Variants in ERG observed in about 807,000 individuals in gnomAD.
ERG encodes the protein transcriptional regulator ERG.
A neutral mutation model predicts 55.3 loss-of-function variants in ERG; 9 were observed. The ratio of observed to expected loss-of-function variants is 0.16; its 90% CI spans 0.10 to 0.28. The LOEUF (loss-of-function observed/expected upper bound fraction) is 0.28. Ranked by LOEUF, ERG falls within the 10% of genes least tolerant of loss-of-function variation. The probability of loss-of-function intolerance (pLI) is 1.00; values close to 1 mark genes in which losing one functional copy is unlikely to be tolerated. For missense variants in ERG, 434 were observed against 631.6 expected (o/e 0.69, Z 3.35); for synonymous variants, 223 against 237.3 (o/e 0.94, Z 0.55).
intron 1 of ERG, among the ~76,000 whole-genome samples, chr21:38,633,455 A>G (rs1284296831): frequency 6.6e-6 from 1 of 152,214 alleles, no homozygotes; most frequent in African/African-American, 2.4e-5. Flanking sequence ...GGATTATATC[A>G]GTTCATGTGT....
In ERG at chr21:38,547,564, G is replaced by A. The variant is rs182392701; in HGVS notation, c.-41+28098C>T. ...TGACCTGCAAATCATTAAAGAGGGC[G>A]ACTCGATCATAGGCAAGGGCTTTTA... On this transcript the variant is annotated intron_variant, in intron 2 of 8. Transcript: ENST00000398897. Among the ~76,000 whole-genome samples the A allele has an allele frequency of 2.6e-5, 4 of 152,264 alleles. No homozygotes were observed. The East Asian group carries it at 5.8e-4, about 22-fold the overall frequency.
intron 1 of ERG, among the ~76,000 whole-genome samples, chr21:38,651,327 T>A (rs1170069762): frequency 1.3e-5 from 2 of 152,216 alleles, no homozygotes; most frequent in Non-Finnish European, 2.9e-5. Context: ...ACATAATAGA[T>A]GTTGCGGTTG....
intron 3 of ERG, among the ~76,000 whole-genome samples, chr21:38,411,185 G>C (rs1437657119): frequency 6.6e-6 from 1 of 152,202 alleles, no homozygotes; most frequent in African/African-American, 2.4e-5. Context: ...CAAATAAAGA[G>C]CCTACCTCAA....
intron 5 of ERG, among the ~76,000 whole-genome samples, chr21:38,401,486 G>A (rs1988491607): frequency 6.6e-6 from 1 of 152,184 alleles, no homozygotes; most frequent in Admixed American, 6.5e-5. Flanking sequence ...AGATTAAAAA[G>A]ACAATGTGTT....
intron 2 of ERG, among the ~76,000 whole-genome samples, chr21:38,508,063 A>ACACC: frequency 9.6e-6 from 1 of 104,520 alleles, no homozygotes; most frequent in African/African-American, 2.7e-5. Context: ...ACACACATAT[A>ACACC]CACACATGCA....
At chr21:38,585,865 T>C (rs2060060891), upstream of ERG, among the ~76,000 whole-genome samples, 3 of 151,744 alleles carry the variant, frequency 2.0e-5, no homozygotes, top group South Asian at 4.2e-4. Flanking sequence ...GAAAAGCATT[T>C]GTTGTGATAC....
At chr21:38,523,479 C>T (rs1396205586) in intron 2 of ERG, among the ~76,000 whole-genome samples, 1 of 152,156 alleles carries the variant, frequency 6.6e-6, no homozygotes, top group East Asian at 1.9e-4. Flanking sequence ...AGACTCAATC[C>T]TTTATCCAAA....
At chr21:38,634,131 A>G (rs900393224) in intron 1 of ERG, among the ~76,000 whole-genome samples, 2 of 152,220 alleles carry the variant, frequency 1.3e-5, no homozygotes, top group Admixed American at 6.5e-5. Flanking sequence ...TTTTATCTGC[A>G]AAAGAGAAGT....
chr21:38,435,659 A>G (rs558635660), intron 2 of ERG, among the ~76,000 whole-genome samples: 4 of 152,276 alleles, frequency 2.6e-5, no homozygotes, highest in East Asian at 3.9e-4. Flanking sequence ...TGTCCCCTTA[A>G]AGGGGCTCGA....
chr21:38,620,973 C>T (rs2060286758), intron 1 of ERG, among the ~76,000 whole-genome samples: 1 of 152,208 alleles, frequency 6.6e-6, no homozygotes, highest in Admixed American at 6.5e-5. Context: ...AGGATGATGC[C>T]ATCAGTTTTC....
intron 2 of ERG, among the ~76,000 whole-genome samples, chr21:38,538,143 A>G (rs183394662): frequency 9.6e-4 from 146 of 152,268 alleles, no homozygotes; most frequent in African/African-American, 3.2e-3. Context: ...AACAGAAAGT[A>G]AAATGATGGT....
intron 2 of ERG, among the ~76,000 whole-genome samples, chr21:38,517,536 T>C (rs1415861018): frequency 6.6e-6 from 1 of 152,162 alleles, no homozygotes; most frequent in Admixed American, 6.5e-5. Flanking sequence ...ACAGCCACTA[T>C]AGAAAACAGT....
intron 3 of ERG, among the ~76,000 whole-genome samples, chr21:38,408,873 T>A (rs940770541): frequency 4.6e-5 from 7 of 152,276 alleles, no homozygotes; most frequent in Admixed American, 3.9e-4. Flanking sequence ...TGCCTATGTT[T>A]AGGTGCGACC....
intron 2 of ERG, among the ~76,000 whole-genome samples, chr21:38,562,626 C>A (rs945612697): frequency 6.6e-6 from 1 of 152,164 alleles, no homozygotes; most frequent in Non-Finnish European, 1.5e-5. Context: ...ACATTTAAAT[C>A]GATAATGCAC....
In ERG at chr21:38,554,247, TCAG is replaced by T. The variant is rs2059843975; in HGVS notation, c.-41+21412_-41+21414del. Among the ~76,000 whole-genome samples, 3 of 152,144 alleles carry T rather than the reference TCAG, an allele frequency of 2.0e-5. 1 individual carries two copies. In the South Asian group the frequency reaches 6.2e-4, roughly 32 times the overall value. ...GCTGCGTGTGTGAATGTAAATTAGTTCAGACACTGTGGAAAGCAGTTTGGAGAT... is the reference window on the plus strand; with the variant it reads ...GCTGCGTGTGTGAATGTAAATTAGTTACACTGTGGAAAGCAGTTTGGAGAT... On this transcript the variant is annotated intron_variant, in intron 2 of 8. Coordinates refer to the ERG transcript ENST00000398897.
At chr21:38,462,383 A>G (rs1243034150) in intron 1 of ERG, among the ~76,000 whole-genome samples, 1 of 151,966 alleles carries the variant, frequency 6.6e-6, no homozygotes, top group Non-Finnish European at 1.5e-5. Context: ...TTTTTTTTTA[A>G]GAATCCTCAA....
At chr21:38,507,556 G>GAATGAATT (rs2059472776) in intron 2 of ERG, among the ~76,000 whole-genome samples, 1 of 151,942 alleles carries the variant, frequency 6.6e-6, no homozygotes, top group South Asian at 2.1e-4. Flanking sequence ...ATGAATGAAT[G>GAATGAATT]AATGAAGCCG....
intron 2 of ERG, among the ~76,000 whole-genome samples, chr21:38,572,909 A>C (rs1432749951): frequency 6.6e-6 from 1 of 152,234 alleles, no homozygotes; most frequent in Non-Finnish European, 1.5e-5. Flanking sequence ...GTAGAAAGGA[A>C]AGACATAAGA....
chr21:38,581,181 G>T (rs962571618), intron 1 of ERG, among the ~76,000 whole-genome samples: 3 of 152,210 alleles, frequency 2.0e-5, no homozygotes, highest in African/African-American at 7.2e-5. Context: ...GTTCAGCTGG[G>T]GAGGGCAGGA....
Sources: allele counts gnomAD v4.1 joint callset (sites outside exome capture counted in the v4.1 genomes callset), GRCh38; gene constraint gnomAD v4.1.1; transcripts MANE v1.5; gene names NCBI Gene and HGNC (gene_info 2026-07-23, HGNC 2026-07-21).